Variants in FSTL4 observed in about 807,000 individuals in gnomAD.
The protein encoded by FSTL4 is follistatin like 4, also known as follistatin-related protein 4.
Under a neutral mutation model 78.2 loss-of-function variants are expected in FSTL4, and 28 were observed. The observed-to-expected ratio is 0.36, with a 90% CI of 0.27 to 0.49. FSTL4 has a LOEUF of 0.49. Among genes scored for constraint, FSTL4 ranks in the 20% least tolerant of loss-of-function variants. The probability of loss-of-function intolerance (pLI) is 0.98; values close to 1 mark genes in which losing one functional copy is unlikely to be tolerated. For synonymous variants in FSTL4, 422 were observed against 440.5 expected, an observed-to-expected ratio of 0.96 and a Z score of 0.53; for missense variants, 922 against 1,084.9, an observed-to-expected ratio of 0.85 and a Z score of 2.11.
At chr5:133,531,272 C>T (rs911784685) in intron 3 of FSTL4, among the ~76,000 whole-genome samples, 3 of 152,144 alleles carry the variant, frequency 2.0e-5, no homozygotes, top group African/African-American at 7.2e-5. Flanking sequence ...GTGCTGACCC[C>T]GTCCCCCAGT....
chr5:133,296,003 CA>C (rs1753387895), intron 6 of FSTL4, among the ~76,000 whole-genome samples: 1 of 152,176 alleles, frequency 6.6e-6, no homozygotes, highest in African/African-American at 2.4e-5. Flanking sequence ...CTCGTCTATC[CA>C]ACTGCCTGTT....
chr5:133,681,180 G>A, the FSTL4 span, among the ~76,000 whole-genome samples: 1 of 152,254 alleles, frequency 6.6e-6, no homozygotes, highest in African/African-American at 2.4e-5. Context: ...CTCCTGCTTC[G>A]TTTCCAGATC....
chr5:133,698,141 A>C, the FSTL4 span, among the ~76,000 whole-genome samples: 1 of 152,222 alleles, frequency 6.6e-6, no homozygotes, highest in South Asian at 2.1e-4. Flanking sequence ...AGCCACAGGG[A>C]GGAAGCAACT....
the FSTL4 span, among the ~76,000 whole-genome samples, chr5:133,635,108 C>T: frequency 6.6e-6 from 1 of 151,916 alleles, no homozygotes. Context: ...ATAATGTCAC[C>T]CCATCTGTTC....
At chr5:133,706,603 A>G in the FSTL4 span, among the ~76,000 whole-genome samples, 1 of 152,322 alleles carries the variant, frequency 6.6e-6, no homozygotes, top group South Asian at 2.1e-4. Flanking sequence ...GCCATGTGAC[A>G]GACCTTTCCA....
intron 3 of FSTL4, among the ~76,000 whole-genome samples, chr5:133,476,790 G>A (rs938857963): frequency 2.0e-5 from 3 of 152,176 alleles, no homozygotes; most frequent in South Asian, 4.1e-4. Flanking sequence ...TCTCTGTAGA[G>A]TGGACCTCAC....
intron 13 of FSTL4, among the ~76,000 whole-genome samples, chr5:133,211,629 G>A (rs1750727381): frequency 6.6e-6 from 1 of 152,152 alleles, no homozygotes. Flanking sequence ...CTGAATTCGT[G>A]CCGAATTCAG....
chr5:133,238,335 AG>A (rs796630016), intron 7 of FSTL4, among the ~76,000 whole-genome samples: 2 of 152,104 alleles, frequency 1.3e-5, no homozygotes, highest in South Asian at 2.1e-4. Flanking sequence ...GAGGGAGCAA[AG>A]GGGGGGTCTC....
chr5:133,210,696 G>A (rs1210238188), intron 13 of FSTL4, among the ~76,000 whole-genome samples: 3 of 151,842 alleles, frequency 2.0e-5, no homozygotes, highest in Non-Finnish European at 2.9e-5. Context: ...TCTCCATGTC[G>A]GTCAGGCTGG....
the FSTL4 span, among the ~76,000 whole-genome samples, chr5:133,765,038 A>T: frequency 6.6e-6 from 1 of 152,228 alleles, no homozygotes; most frequent in Non-Finnish European, 1.5e-5. Flanking sequence ...GAAAAGTTAT[A>T]CCTGAATCAA....
the FSTL4 span, among the ~76,000 whole-genome samples, chr5:133,681,272 A>C: frequency 2.0e-5 from 3 of 152,260 alleles, no homozygotes; most frequent in South Asian, 6.2e-4. Context: ...GCTCCCCCTA[A>C]ATAATGTGAG....
the FSTL4 span, among the ~76,000 whole-genome samples, chr5:133,644,733 C>A: frequency 0.012 from 1,753 of 152,230 alleles, 18 homozygotes; most frequent in Admixed American, 0.022. Context: ...ACCTCTCCCC[C>A]AGACCCATAC....
At chr5:133,286,129 G>A (rs1248060198) in intron 6 of FSTL4, among the ~76,000 whole-genome samples, 2 of 152,208 alleles carry the variant, frequency 1.3e-5, no homozygotes, top group Non-Finnish European at 2.9e-5. Context: ...GTGATGTTGT[G>A]CAGTGCTTAG....
At chr5:133,521,223 T>C (rs1758974809) in intron 3 of FSTL4, among the ~76,000 whole-genome samples, 1 of 152,062 alleles carries the variant, frequency 6.6e-6, no homozygotes, top group African/African-American at 2.4e-5. Flanking sequence ...TCTATATAAC[T>C]GGTGTTCAGG....
At chr5:133,598,524 G>A (rs537692661) in intron 2 of FSTL4, among the ~76,000 whole-genome samples, 59 of 152,124 alleles carry the variant, frequency 3.9e-4, no homozygotes, top group East Asian at 5.8e-4. Flanking sequence ...TACTGATAAC[G>A]TCTATAGGTG....
intron 4 of FSTL4, among the ~76,000 whole-genome samples, chr5:133,377,375 C>T (rs564200730): frequency 6.6e-5 from 10 of 152,326 alleles, no homozygotes; most frequent in Admixed American, 2.0e-4. Context: ...GAGAACTGGG[C>T]CATTATGCCC....
At chr5:133,695,043 G>C in the FSTL4 span, among the ~76,000 whole-genome samples, 1,102 of 152,214 alleles carry the variant, frequency 7.2e-3, 10 homozygotes, top group South Asian at 0.012. Flanking sequence ...GGCATCAGAT[G>C]AGGGCTAGGA....
chr5:133,575,656 T>A (rs1228381801), intron 2 of FSTL4, among the ~76,000 whole-genome samples: 2 of 152,090 alleles, frequency 1.3e-5, no homozygotes, highest in East Asian at 3.9e-4. Context: ...AAGCAACCCC[T>A]CAAAAGCTGT....
chr5:133,574,337 T>C (rs778528403), intron 2 of FSTL4, among the ~76,000 whole-genome samples: 8 of 152,224 alleles, frequency 5.3e-5, no homozygotes, highest in Non-Finnish European at 1.0e-4. Flanking sequence ...GAAGGAACTA[T>C]AATTTTTATA....
Sources: gnomAD v4.1 joint callset for allele counts (sites outside exome capture counted in the v4.1 genomes callset) on GRCh38, gnomAD v4.1.1 for gene constraint, MANE v1.5 for transcripts, NCBI Gene and HGNC (gene_info 2026-07-23, HGNC 2026-07-21) for gene names.